ZSCAN31: variants seen among roughly 807,000 people sequenced by gnomAD.
The protein encoded by ZSCAN31 is zinc finger and SCAN domain containing 31.
In ZSCAN31, 14 loss-of-function variants were observed where a neutral mutation model predicts 22.5. The observed-to-expected ratio is 0.62, with a 90% confidence interval of 0.41 to 0.97. The LOEUF (loss-of-function observed/expected upper bound fraction) is 0.97. Among genes scored for constraint, ZSCAN31 ranks in the 50% least tolerant of loss-of-function variants. The pLI is 0.00. For missense variants in ZSCAN31, 424 were observed against 483.4 expected (o/e 0.88, Z 1.15); for synonymous variants, 168 against 169.8 (o/e 0.99, Z 0.08).
At chr6:28,346,645 C>T (rs6456817) in intron 2 of ZSCAN31, among the ~76,000 whole-genome samples, 8,432 of 152,150 alleles carry the variant, frequency 0.055, 580 homozygotes, top group African/African-American at 0.17. Flanking sequence ...GTGTGAGGCA[C>T]GGCACTCAGC....
upstream of ZSCAN31, among the ~76,000 whole-genome samples, chr6:28,355,020 G>A (rs1393608328): frequency 1.3e-5 from 2 of 152,202 alleles, no homozygotes; most frequent in African/African-American, 4.8e-5. Flanking sequence ...GTACTAGGCT[G>A]GGCTGCAACA....
chr6:28,338,175 G>A (rs556881599), upstream of ZSCAN31, among the ~76,000 whole-genome samples: 1 of 152,310 alleles, frequency 6.6e-6, no homozygotes, highest in East Asian at 1.9e-4. Context: ...GAGGCAGGCA[G>A]ATTGCATGAG....
intron 1 of ZSCAN31, among the ~76,000 whole-genome samples, chr6:28,330,464 A>G (rs1335022754): frequency 6.6e-6 from 1 of 152,250 alleles, no homozygotes; most frequent in African/African-American, 2.4e-5. Flanking sequence ...GAATTAGGTA[A>G]CTGTGGAATT....
intron 2 of ZSCAN31, 149 bp downstream of exon 2, chr6:28,329,154 A>G: frequency 5.2e-6 from 5 of 965,796 alleles, no homozygotes; most frequent in Non-Finnish European, 7.5e-6. Context: ...TTGTCATCAG[A>G]TGACCATAGT....
rs1462686888 is a variant in ZSCAN31 at position 28,333,183 on chromosome 6, A to C, written c.-96+2899T>G. On this transcript the variant is annotated intron_variant, in intron 1 of 3. Transcript: ENST00000344279. The surrounding 1 kb of genome is among the most constrained non-coding windows in gnomAD (Gnocchi z 4.1). ...CTGCAGTGGACTTCCACACTCATGA[A>C]AGGGAGACAGAAAAATAAAAGGTAG... 8.0e-3 allele frequency among the ~76,000 whole-genome samples: 1,214 copies of C among 152,294 alleles called. 20 individuals carry two copies. The highest frequency in any genetic ancestry group is 0.026 in the African/African-American group (1,094 of 41,546).
At chr6:28,352,820 G>A (rs1408883854) in intron 2 of ZSCAN31, among the ~76,000 whole-genome samples, 3 of 152,122 alleles carry the variant, frequency 2.0e-5, no homozygotes, top group Non-Finnish European at 4.4e-5. Context: ...GCTTCTCTCA[G>A]TTTCCTAATT....
chr6:28,326,498 A>C lies in ZSCAN31; in HGVS notation c.889T>G (p.Cys297Gly). Reference protein sequence around the residue: ...RSHTGEKPYQCKECGKAFSAS... With the variant: ...RSHTGEKPYQGKECGKAFSAS... ...CTGAAGGCTTTCCCACACTCCTTAC[A>C]TTGATAGGGTTTCTCTCCAGTGTGG... The change falls in exon 4 of 4, where the codon TGT (cysteine) becomes GGT (glycine). Residue 297 changes from cysteine to glycine, a missense_variant. Physicochemically the swap from Cys to Gly is radical, Grantham distance 159 (BLOSUM62 -3). Transcript: ENST00000344279. The C allele has an allele frequency of 6.2e-7, 1 of 1,614,164 alleles. No individual in the cohort carries two copies. The highest frequency in any genetic ancestry group is 1.1e-5 in the South Asian group (1 of 91,084).
chr6:28,325,116 G>A lies in ZSCAN31; in HGVS notation c.*1050C>T, dbSNP rs1212859558. On this transcript the variant is annotated 3_prime_UTR_variant, in exon 4 of 4. Transcript: ENST00000344279. The stretch of plus-strand genomic sequence containing the variant: ...GGAAAGATTTGAACTTGGTGCCAGA[G>A]CATATGTTTAACCCTGGCAATAAGT... The A allele has an allele frequency of 6.6e-6, 1 of 152,174 alleles. No homozygotes were observed. The highest frequency in any genetic ancestry group is 1.5e-5 in the Non-Finnish European group (1 of 68,026). The allele number at this position is 152,174 out of a possible 1,614,324, so 9.4% of individuals were successfully genotyped here. A position where few individuals can be genotyped will look rare whatever the true frequency, so the allele number is the denominator to read the frequency against.
rs1763168220 is a variant in ZSCAN31 at position 28,325,034 on chromosome 6, T to C, written c.*1132A>G. 6.6e-6 allele frequency: 1 copy of C among 152,198 alleles called. No homozygotes were observed. The highest frequency in any genetic ancestry group is 1.5e-5 in the Non-Finnish European group (1 of 68,034). 9.4% of individuals were successfully genotyped at this position (152,198 alleles called of 1,614,324 possible). On this transcript the variant is annotated 3_prime_UTR_variant, in exon 4 of 4. Transcript: ENST00000344279. ...TCCTCTGTTTTACAGGTGGGGAGAC[T>C]ATAGCATAGCAGCATTTAGATAACT... is the stretch of plus-strand genomic sequence containing the variant.
chr6:28,327,499 A>C lies in ZSCAN31; in HGVS notation c.416T>G (p.Leu139Arg). 6.2e-7 allele frequency: 1 copy of C among 1,613,826 alleles called. No individual in the cohort carries two copies. Among genetic ancestry groups the C allele is most frequent in the Non-Finnish European group, 8.5e-7 (1 of 1,179,998 alleles). Residue 139 changes from leucine (L) to arginine (R), a missense_variant, in exon 3 of 4, where the codon CTC becomes CGC. Leu to Arg is a moderately radical substitution (Grantham distance 102). Coordinates refer to ENST00000344279, the MANE Select transcript of ZSCAN31 (RefSeq NM_030899.5). ...CTTCAGATGTTCCACATCCTCCAAG[A>C]GCACTTCAGAATGTCCATGTTCATG... ...PDHEHGHSEV[L>R]LEDVEHLKVK... is the part of the protein sequence containing the mutation.
chr6:28,339,163 T>G (rs1764314276), upstream of ZSCAN31, among the ~76,000 whole-genome samples: 2 of 152,264 alleles, frequency 1.3e-5, no homozygotes, highest in South Asian at 4.1e-4. Flanking sequence ...AAAGTTTAGC[T>G]TTTTTTCTTA....
intron 1 of ZSCAN31, among the ~76,000 whole-genome samples, chr6:28,332,740 A>G (rs892799170): frequency 6.6e-6 from 1 of 152,236 alleles, no homozygotes; most frequent in African/African-American, 2.4e-5. Flanking sequence ...ATTCAAGAAA[A>G]TCCAGGACAG....
At chr6:28,336,830 G>C (rs2113838384), upstream of ZSCAN31, 4 of 152,298 alleles carry the variant, frequency 2.6e-5, no homozygotes, top group South Asian at 8.3e-4. Context: ...TGGTCTCTTT[G>C]ACATCACAAA....
upstream of ZSCAN31, among the ~76,000 whole-genome samples, chr6:28,354,446 A>G (rs974527398): frequency 8.5e-5 from 13 of 152,194 alleles, no homozygotes; most frequent in Admixed American, 5.9e-4. Flanking sequence ...CACAGGCCCA[A>G]TATATAGGTT....
At chr6:28,344,944 A>C (rs1334385070) in intron 2 of ZSCAN31, among the ~76,000 whole-genome samples, 1 of 151,044 alleles carries the variant, frequency 6.6e-6, no homozygotes, top group East Asian at 1.9e-4. Context: ...AGTCTGGTCA[A>C]CATGGCAAAA....
At position 28,326,509 on chromosome 6, in the gene ZSCAN31, T is replaced by C; in HGVS notation, c.878A>G (p.Lys293Arg). ...CCCACACTCCTTACATTGATAGGGTTTCTCTCCAGTGTGGCTCCGCCGATG... is the reference window on the plus strand; with the variant it reads ...CCCACACTCCTTACATTGATAGGGTCTCTCTCCAGTGTGGCTCCGCCGATG... Reference protein sequence around the residue: ...NEHRRSHTGEKPYQCKECGKA... With the variant: ...NEHRRSHTGERPYQCKECGKA... Residue 293 changes from lysine to arginine, a missense_variant, in exon 4 of 4, where the codon AAA becomes AGA. Lys to Arg is a conservative substitution (Grantham distance 26). Transcript: ENST00000344279. 6.2e-7 allele frequency: 1 copy of C among 1,614,008 alleles called. No homozygotes were observed. Among genetic ancestry groups the C allele is most frequent in the Non-Finnish European group, 8.5e-7 (1 of 1,179,982 alleles).
At chr6:28,327,343 C>T (rs1581661172) in intron 3 of ZSCAN31, 40 bp downstream of exon 3, 1 of 1,611,504 alleles carries the variant, frequency 6.2e-7, no homozygotes, top group African/African-American at 1.3e-5. Flanking sequence ...CTATATAGAC[C>T]CACCAGAGAT....
chr6:28,334,191 A>C (rs72854525), intron 1 of ZSCAN31, among the ~76,000 whole-genome samples: 7,015 of 152,260 alleles, frequency 0.046, 249 homozygotes, highest in Non-Finnish European at 0.064. Context: ...CAATACAATA[A>C]AATAAAAGCC....
At chr6:28,344,423 C>T (rs192969269) in intron 2 of ZSCAN31, among the ~76,000 whole-genome samples, 1 of 152,282 alleles carries the variant, frequency 6.6e-6, no homozygotes, top group Admixed American at 6.5e-5. Flanking sequence ...ATGTGCAGGA[C>T]TAGAGGACAG....
Sources: allele counts gnomAD v4.1 joint callset (sites outside exome capture counted in the v4.1 genomes callset), GRCh38; gene constraint gnomAD v4.1.1; non-coding constraint Gnocchi (gnomAD v3.1); transcripts MANE v1.5; gene names NCBI Gene and HGNC (gene_info 2026-07-23, HGNC 2026-07-21).